The following DACH2 variants were observed in gnomAD, a reference collection of about 807,000 sequenced individuals.
The protein encoded by DACH2 is dachshund family transcription factor 2, also known as dachshund homolog 2.
In DACH2, 17 loss-of-function variants were observed where a neutral mutation model predicts 35.8. The observed-to-expected ratio is 0.48, with a 90% CI of 0.33 to 0.71. DACH2 has a LOEUF of 0.71. Among genes scored for constraint, DACH2 ranks in the 30% least tolerant of loss-of-function variants. DACH2 has a pLI of 0.02. For synonymous variants in DACH2, 195 were observed against 177.3 expected (o/e 1.10, Z -0.79); for missense variants, 469 against 472.7 (o/e 0.99, Z 0.07).
chrX:86,186,564 A>G (rs746882605), intron 1 of DACH2, among the ~76,000 whole-genome samples: 6 of 111,144 alleles, frequency 5.4e-5, no homozygotes, highest in Non-Finnish European at 1.1e-4. Context: ...CAATCCTCTA[A>G]AAAATAATTA....
intron 1 of DACH2, among the ~76,000 whole-genome samples, chrX:86,206,332 A>G (rs1034718178): frequency 2.7e-5 from 3 of 111,321 alleles, no homozygotes; most frequent in African/African-American, 6.6e-5. Context: ...TCTCCTAGTT[A>G]GCGTTCTGTT....
At chrX:86,718,845 T>C (rs1179526177) in intron 6 of DACH2, among the ~76,000 whole-genome samples, 1 of 111,847 alleles carries the variant, frequency 8.9e-6, no homozygotes, top group East Asian at 2.8e-4. Context: ...ATGTGTCTAT[T>C]TTTATATCAG....
chrX:86,653,576 G>T (rs1170899780), intron 4 of DACH2, among the ~76,000 whole-genome samples: 2 of 109,839 alleles, frequency 1.8e-5, no homozygotes, highest in Non-Finnish European at 3.8e-5. Flanking sequence ...TTTCCATTCA[G>T]TAATGAATTC....
intron 1 of DACH2, among the ~76,000 whole-genome samples, chrX:86,255,843 A>G (rs1171421739): frequency 8.9e-6 from 1 of 111,960 alleles, no homozygotes; most frequent in Non-Finnish European, 1.9e-5. Flanking sequence ...ATTGCATTTT[A>G]ATAAACAAAA....
At chrX:86,601,351 T>A (rs1471216400) in intron 3 of DACH2, among the ~76,000 whole-genome samples, 2 of 112,093 alleles carry the variant, frequency 1.8e-5, no homozygotes, top group Admixed American at 9.5e-5. Context: ...ATAAAAAGTA[T>A]ACTTAGTTAC....
intron 3 of DACH2, among the ~76,000 whole-genome samples, chrX:86,550,779 TG>T (rs1157111175): frequency 8.9e-6 from 1 of 111,871 alleles, no homozygotes. Context: ...GCCAGAAGAC[TG>T]ACTAAAAGTT....
intron 1 of DACH2, among the ~76,000 whole-genome samples, chrX:86,207,674 T>G (rs1053181556): frequency 2.7e-5 from 3 of 111,769 alleles, no homozygotes; most frequent in Non-Finnish European, 3.8e-5. Context: ...TATTTTAAAA[T>G]AAAACTATTT....
chrX:86,728,660 G>A (rs190191881), intron 6 of DACH2, among the ~76,000 whole-genome samples: 19 of 112,406 alleles, frequency 1.7e-4, no homozygotes, highest in Admixed American at 9.4e-4. Flanking sequence ...CACAGCCTTG[G>A]GACACAGCTC....
intron 1 of DACH2, among the ~76,000 whole-genome samples, chrX:86,276,166 C>T (rs994288473): frequency 5.4e-5 from 6 of 111,776 alleles, no homozygotes; most frequent in African/African-American, 2.0e-4. Flanking sequence ...ACAAGGGTTC[C>T]TTTTCCTCCA....
chrX:86,705,500 T>C (rs1417566356), intron 5 of DACH2, among the ~76,000 whole-genome samples: 1 of 110,794 alleles, frequency 9.0e-6, no homozygotes, highest in Non-Finnish European at 1.9e-5. Context: ...ATGCTCAACA[T>C]CACTAATCAA....
intron 1 of DACH2, among the ~76,000 whole-genome samples, chrX:86,296,274 G>A (rs1243700876): frequency 2.9e-5 from 3 of 101,959 alleles, no homozygotes; most frequent in Non-Finnish European, 4.0e-5. Context: ...CCAGCTACTC[G>A]GGAGGCTGAG....
Position 86,690,143 on chromosome X carries a change from C to T in DACH2, c.773-4878C>T, listed in dbSNP as rs146817893. On this transcript the variant is annotated intron_variant, in intron 4 of 11. Coordinates refer to ENST00000373125, the MANE Select transcript of DACH2 (RefSeq NM_053281.3). ...CTTCCTTCACTCATTCTTAACAACA[C>T]GGTGCTAAGGTGAAGAATGATTGCT... 4.8e-3 allele frequency among the ~76,000 whole-genome samples: 534 copies of T among 111,904 alleles called. 6 individuals are homozygous for T. Among genetic ancestry groups the T allele is most frequent in the African/African-American group, 0.016 (508 of 30,960 alleles).
intron 3 of DACH2, among the ~76,000 whole-genome samples, chrX:86,564,989 A>G (rs181028300): frequency 1.2e-4 from 13 of 111,153 alleles, no homozygotes; most frequent in Admixed American, 1.2e-3. Context: ...CCCATCCTCT[A>G]TGTAGTCAGA....
intron 3 of DACH2, among the ~76,000 whole-genome samples, chrX:86,650,084 T>C (rs926473006): frequency 9.0e-6 from 1 of 110,907 alleles, no homozygotes; most frequent in African/African-American, 3.3e-5. Context: ...CTTTTAGTAC[T>C]TGTTTCCTTA....
chrX:86,658,660 T>C lies in DACH2; in HGVS notation c.772+7493T>C, dbSNP rs573368076. The stretch of plus-strand genomic sequence containing the variant: ...CTCATGGAGCTTTATAATCAATCAC[T>C]AAAGGTTATGGCTGTAGAGAGTTTG... On this transcript the variant is annotated intron_variant, in intron 4 of 11. Transcript: ENST00000373125. Among the ~76,000 whole-genome samples the C allele has an allele frequency of 6.5e-4, 73 of 111,747 alleles. 2 individuals are homozygous for C. In the South Asian group the frequency reaches 0.022, roughly 33 times the overall value.
intron 7 of DACH2, among the ~76,000 whole-genome samples, chrX:86,812,546 G>T (rs1230263615): frequency 9.0e-6 from 1 of 111,511 alleles, no homozygotes; most frequent in Non-Finnish European, 1.9e-5. Flanking sequence ...GTTTTTCCAG[G>T]AAGTGATCTG....
intron 3 of DACH2, among the ~76,000 whole-genome samples, chrX:86,541,944 G>A (rs748152060): frequency 9.0e-5 from 10 of 111,674 alleles, no homozygotes; most frequent in Non-Finnish European, 1.7e-4. Flanking sequence ...ATTTTTTGAG[G>A]ATTACTAGAC....
chrX:86,254,838 A>AGAGAGAGAGAGAGAGAGAG (rs1569318220), intron 1 of DACH2, among the ~76,000 whole-genome samples: 2 of 88,437 alleles, frequency 2.3e-5, no homozygotes, highest in African/African-American at 8.4e-5. Flanking sequence ...AGAGAGAGAG[A>AGAGAGAGAGAGAGAGAGAG]AGGTTTATAA....
At chrX:86,815,719 A>G (rs181440419) in intron 10 of DACH2, among the ~76,000 whole-genome samples, 1 of 107,763 alleles carries the variant, frequency 9.3e-6, no homozygotes, top group African/African-American at 3.4e-5. Flanking sequence ...TACCATGAGG[A>G]TGGGGGCAAG....
Sources: allele counts gnomAD v4.1 joint callset (sites outside exome capture counted in the v4.1 genomes callset), GRCh38; gene constraint gnomAD v4.1.1; transcripts MANE v1.5; gene names NCBI Gene and HGNC (gene_info 2026-07-23, HGNC 2026-07-21).